Variants in L2HGDH observed in about 807,000 individuals in gnomAD.
L2HGDH encodes the protein L-2-hydroxyglutarate dehydrogenase.
A neutral mutation model predicts 51.5 loss-of-function variants in L2HGDH; 34 were observed. The observed-to-expected ratio is 0.66, with a 90% CI of 0.50 to 0.88. The LOEUF is 0.88. Among genes scored for constraint, L2HGDH ranks in the 40% least tolerant of loss-of-function variants. L2HGDH has a pLI of 0.00. For missense variants in L2HGDH, 558 were observed against 571.9 expected (o/e 0.98, Z 0.25); for synonymous variants, 198 against 197.9 (o/e 1.00, Z -0.01).
intron 1 of L2HGDH, among the ~76,000 whole-genome samples, chr14:50,305,113 G>A (rs561186780): frequency 3.9e-5 from 6 of 152,260 alleles, no homozygotes; most frequent in South Asian, 2.1e-4. Flanking sequence ...GAACTAACAC[G>A]TAAGCTTGAT....
chr14:50,286,314 CAT>C (rs1288338725), intron 4 of L2HGDH, among the ~76,000 whole-genome samples: 1 of 152,090 alleles, frequency 6.6e-6, no homozygotes, highest in Non-Finnish European at 1.5e-5. Context: ...CTACTCTGGG[CAT>C]ACCGCTTATG....
chr14:50,304,919 T>G (rs1030086391), intron 1 of L2HGDH, among the ~76,000 whole-genome samples: 1 of 152,192 alleles, frequency 6.6e-6, no homozygotes, highest in Non-Finnish European at 1.5e-5. Context: ...ACTGACCTGA[T>G]AGCCAACAAA....
In L2HGDH at chr14:50,285,902, T is replaced by C. The variant is rs529518559; in HGVS notation, c.541-1869A>G. On this transcript the variant is annotated intron_variant, in intron 4 of 9. Transcript: ENST00000267436. ...GGCCTTTCCTCTCCTCCTAAGATGCTGGTGTGCCCCACCTATACATGTGTG... is the reference window on the plus strand; with the variant it reads ...GGCCTTTCCTCTCCTCCTAAGATGCCGGTGTGCCCCACCTATACATGTGTG... Among the ~76,000 whole-genome samples, 11 of 152,312 alleles carry C rather than the reference T, an allele frequency of 7.2e-5. No individual in the cohort carries two copies. The East Asian group carries it at 1.2e-3, about 16-fold the overall frequency.
Position 50,259,366 on chromosome 14 carries a change from G to GTT in L2HGDH, c.1196+5990_1196+5991dup, listed in dbSNP as rs34041934. Among the ~76,000 whole-genome samples the GTT allele has an allele frequency of 1.2e-3, 161 of 130,672 alleles. 3 individuals carry two copies. The highest frequency in any genetic ancestry group is 4.5e-3 in the East Asian group (21 of 4,636). The allele number at this position is 130,672 out of a possible 152,430, so 85.7% of individuals were successfully genotyped here. A position where few individuals can be genotyped will look rare whatever the true frequency, so the allele number is the denominator to read the frequency against. On this transcript the variant is annotated intron_variant, in intron 9 of 9. Transcript: ENST00000267436. ...TTCTTTCTGTTTTTTTTCTTTTTCGGTTTTTTTTTTTTTTTTTTCAGAAAT... is the reference window on the plus strand; with the variant it reads ...TTCTTTCTGTTTTTTTTCTTTTTCGGTTTTTTTTTTTTTTTTTTTTCAGAAAT...
Position 50,302,143 on chromosome 14 carries a change from A to C in L2HGDH, c.282T>G (p.Ser94Arg), listed in dbSNP as rs762450551. ...DLAVHQTGHN[S>R]GVIHSGIYYK... The stretch of plus-strand genomic sequence containing the variant: ...AATAAATTCCACTATGTATGACACC[A>C]CTGTTATGTCCAGTCTGGTGAACAG... Residue 94 changes from serine to arginine, a missense_variant, in exon 3 of 10, where the codon AGT becomes AGG. Around this residue, in one of 3 missense-constraint regions of L2HGDH, gnomAD observed 194 missense variants for 187.2 expected, o/e 1.04. Coordinates refer to ENST00000267436, the MANE Select transcript of L2HGDH (RefSeq NM_024884.3). 6.2e-7 allele frequency: 1 copy of C among 1,614,094 alleles called. No individual in the cohort carries two copies. Among genetic ancestry groups the C allele is most frequent in the South Asian group, 1.1e-5 (1 of 91,086 alleles).
In L2HGDH at chr14:50,251,983, AT is replaced by A. The variant is rs1888380285; in HGVS notation, c.1197-4731del. On this transcript the variant is annotated intron_variant, in intron 9 of 9. Transcript: ENST00000267436. ...AAAAAACACAGAATAGTATAACACT[AT>A]AATTGTGGTGTATAAACTTCTCATC... Among the ~76,000 whole-genome samples the A allele has an allele frequency of 4.6e-5, 7 of 152,186 alleles. 1 individual carries two copies. In the South Asian group the frequency reaches 1.5e-3, roughly 32 times the overall value.
At position 50,245,233 on chromosome 14, in the gene L2HGDH, T is replaced by C. The variant is rs374697653; in HGVS notation, c.*1825A>G. On this transcript the variant is annotated 3_prime_UTR_variant, in exon 10 of 10. Coordinates refer to ENST00000267436, the MANE Select transcript of L2HGDH (RefSeq NM_024884.3). ...ATCATTACCAATCTTGGCCAACATT[T>C]TGAGAGCCTTAGTGTGACTAAAGAT... The C allele has an allele frequency of 8.0e-5, 79 of 985,270 alleles. No homozygotes were observed. The highest frequency in any genetic ancestry group is 1.0e-3 in the Middle Eastern group (2 of 1,914). The allele number at this position is 985,270 out of a possible 1,614,324, so 61.0% of individuals were successfully genotyped here. A position where few individuals can be genotyped will look rare whatever the true frequency, so the allele number is the denominator to read the frequency against.
At chr14:50,293,273 C>T in intron 4 of L2HGDH, 2 of 702,238 alleles carry the variant, frequency 2.8e-6, no homozygotes, top group East Asian at 2.7e-5. Context: ...GATGCTGACA[C>T]AACTGGATAT....
intron 4 of L2HGDH, among the ~76,000 whole-genome samples, chr14:50,284,433 G>A (rs143473287): frequency 6.6e-6 from 1 of 152,076 alleles, no homozygotes; most frequent in African/African-American, 2.4e-5. Context: ...ATTTTATGTG[G>A]TTAACTCAAA....
At chr14:50,301,608 G>A (rs2030410723) in intron 3 of L2HGDH, among the ~76,000 whole-genome samples, 1 of 152,206 alleles carries the variant, frequency 6.6e-6, no homozygotes, top group Admixed American at 6.5e-5. Flanking sequence ...TATGAAAAGT[G>A]CAGAACAGGC....
At chr14:50,256,282 A>C (rs1033375797) in intron 9 of L2HGDH, among the ~76,000 whole-genome samples, 1 of 152,112 alleles carries the variant, frequency 6.6e-6, no homozygotes, top group Non-Finnish European at 1.5e-5. Context: ...TTGGAGGATG[A>C]GGCAGGAGAA....
chr14:50,243,376 GGCT>G lies in L2HGDH; in HGVS notation c.*3679_*3681del. On this transcript the variant is annotated 3_prime_UTR_variant, in exon 10 of 10. Transcript: ENST00000267436. ...CAGAAATGAGTTTTTTAAAAAGGTTGGCTGCTATCTATCTAAAGCAAACAGTTT... is the reference window on the plus strand; with the variant it reads ...CAGAAATGAGTTTTTTAAAAAGGTTGGCTATCTATCTAAAGCAAACAGTTT... 1 of 983,394 alleles carries G rather than the reference GGCT, an allele frequency of 1.0e-6. No individual in the cohort carries two copies. The highest frequency in any genetic ancestry group is 1.1e-4 in the East Asian group (1 of 8,792). 60.9% of individuals were successfully genotyped at this position (983,394 alleles called of 1,614,324 possible).
intron 9 of L2HGDH, among the ~76,000 whole-genome samples, chr14:50,260,294 G>C (rs1445030360): frequency 6.6e-6 from 1 of 152,154 alleles, no homozygotes; most frequent in Non-Finnish European, 1.5e-5. Flanking sequence ...TAGAGTCTGA[G>C]TTCCAACTTT....
chr14:50,282,909 G>A (rs1890353091), intron 5 of L2HGDH, among the ~76,000 whole-genome samples: 1 of 151,934 alleles, frequency 6.6e-6, no homozygotes, highest in African/African-American at 2.4e-5. Flanking sequence ...GGGCACGGTG[G>A]CTCACACCTG....
chr14:50,259,041 A>G (rs2139952000), intron 9 of L2HGDH, among the ~76,000 whole-genome samples: 1 of 142,226 alleles, frequency 7.0e-6, no homozygotes, highest in Non-Finnish European at 1.5e-5. Context: ...AATTTTTACT[A>G]GAGACAAGGT....
chr14:50,259,975 GAGA>G lies in L2HGDH; in HGVS notation c.1196+5380_1196+5382del, dbSNP rs530582416. ...GGGGAGGGAGGGAGAAAGAAGGAGA[GAGA>G]AGAAGACAGAGAGAGAGAGAGAGAG... On this transcript the variant is annotated intron_variant, in intron 9 of 9. Coordinates refer to ENST00000267436, the MANE Select transcript of L2HGDH (RefSeq NM_024884.3). Among the ~76,000 whole-genome samples, 30 of 138,942 alleles carry G rather than the reference GAGA, an allele frequency of 2.2e-4. 2 individuals are homozygous for G. The South Asian group carries it at 5.2e-3, about 24-fold the overall frequency. 91.2% of individuals were successfully genotyped at this position (138,942 alleles called of 152,430 possible).
chr14:50,247,883 A>T (rs1308481516), intron 9 of L2HGDH, among the ~76,000 whole-genome samples: 8 of 152,190 alleles, frequency 5.3e-5, no homozygotes. Context: ...GCATGTTAAT[A>T]AAATGAGAGT....
chr14:50,304,248 A>T (rs916287734), intron 1 of L2HGDH, among the ~76,000 whole-genome samples: 7 of 152,192 alleles, frequency 4.6e-5, no homozygotes, highest in Non-Finnish European at 1.0e-4. Flanking sequence ...CTTTGGTATC[A>T]CCACTGTACA....
chr14:50,263,045 G>C (rs1442804563), intron 9 of L2HGDH, among the ~76,000 whole-genome samples: 1 of 152,194 alleles, frequency 6.6e-6, no homozygotes, highest in Non-Finnish European at 1.5e-5. Context: ...CCGAAGTCCA[G>C]TTCTACCATA....
Sources: gnomAD v4.1 joint callset for allele counts (sites outside exome capture counted in the v4.1 genomes callset) on GRCh38, gnomAD v4.1.1 for gene constraint, gnomAD v4.1.1 regional missense constraint, MANE v1.5 for transcripts, NCBI Gene and HGNC (gene_info 2026-07-23, HGNC 2026-07-21) for gene names.